AKR1B1: variants seen among roughly 807,000 people sequenced by gnomAD.
AKR1B1 encodes the protein aldo-keto reductase family 1 member B.
A neutral mutation model predicts 40.4 loss-of-function variants in AKR1B1; 22 were observed. That is an observed-to-expected ratio of 0.54 (90% CI 0.39 to 0.78). The LOEUF (loss-of-function observed/expected upper bound fraction) is 0.78, where lower values mean the gene tolerates loss of function less well. Ranked by LOEUF, AKR1B1 falls within the 30% of genes least tolerant of loss-of-function variation. The pLI is 0.00. For synonymous variants in AKR1B1, 157 were observed against 149.9 expected, an observed-to-expected ratio of 1.05 and a Z score of -0.35; for missense variants, 357 against 396.7, an observed-to-expected ratio of 0.90 and a Z score of 0.85.
chr7:134,450,934 G>A (rs775676690), intron 2 of AKR1B1, 32 bp from the exon 3 acceptor site: 2 of 1,575,554 alleles, frequency 1.3e-6, no homozygotes, highest in Non-Finnish European at 8.7e-7. Context: ...TGTCATCATT[G>A]CCAGCCACAA....
At position 134,445,227 on chromosome 7, in the gene AKR1B1, G is replaced by A; in HGVS notation, c.908+11C>T. On this transcript the variant is annotated intron_variant, in intron 9 of 9. Transcript: ENST00000285930. The stretch of plus-strand genomic sequence containing the variant: ...TCCTGGGAACTGCTCCTCACACTGG[G>A]GCTCACTCACCTCAACAAGGCACAG... The A allele has an allele frequency of 6.2e-7, 1 of 1,608,338 alleles. No homozygotes were observed. Among genetic ancestry groups the A allele is most frequent in the Non-Finnish European group, 8.5e-7 (1 of 1,177,920 alleles).
chr7:134,448,249 C>T, intron 6 of AKR1B1, 138 bp downstream of exon 6: 2 of 948,660 alleles, frequency 2.1e-6, no homozygotes. Context: ...CCAACCCTTC[C>T]AGGAAAACCA....
chr7:134,458,693 A>T (rs1258352605), intron 1 of AKR1B1, among the ~76,000 whole-genome samples: 1 of 152,078 alleles, frequency 6.6e-6, no homozygotes. Context: ...AGGACCCAAA[A>T]TGCGGACTGG....
rs5054 is a variant in AKR1B1, at chr7:134,459,020, T to C, written c.43A>G (p.Ile15Val). The C allele has an allele frequency of 4.4e-6, 7 of 1,608,362 alleles. No individual in the cohort carries two copies. The highest frequency in any genetic ancestry group is 4.2e-6 in the Non-Finnish European group (5 of 1,177,998). ...ACCTTCCAGGTACCCAACCCCAGGA[T>C]GGGCATCTTGGCGCCGTTGTTGAGC... Reference protein sequence around the residue: ...LLLNNGAKMPILGLGTWKSPP... With the variant: ...LLLNNGAKMPVLGLGTWKSPP... Residue 15 changes from isoleucine to valine, a missense_variant, in exon 1 of 10, where the codon ATC becomes GTC. Coordinates refer to ENST00000285930, the MANE Select transcript of AKR1B1 (RefSeq NM_001628.4).
At chr7:134,447,099 G>A (rs1356281192) in intron 8 of AKR1B1, among the ~76,000 whole-genome samples, 199 bp downstream of exon 8, 1 of 152,196 alleles carries the variant, frequency 6.6e-6, no homozygotes, top group East Asian at 1.9e-4. Flanking sequence ...ACGGGGCCCT[G>A]GAGGCCCAAG....
chr7:134,450,433 G>A (rs567776773), intron 3 of AKR1B1, among the ~76,000 whole-genome samples: 2 of 152,334 alleles, frequency 1.3e-5, no homozygotes, highest in East Asian at 1.9e-4. Context: ...CGTGCCTGGA[G>A]GGGAGGGCCA....
At chr7:134,443,509 G>C (rs955431669) in intron 9 of AKR1B1, among the ~76,000 whole-genome samples, 2 of 152,148 alleles carry the variant, frequency 1.3e-5, no homozygotes, top group South Asian at 2.1e-4. Context: ...GAGCCTCCTT[G>C]TATCAGTGGG....
At chr7:134,447,472 C>T (rs1016950041) in intron 7 of AKR1B1, 91 bp from the exon 8 acceptor site, 25 of 1,108,908 alleles carry the variant, frequency 2.3e-5, no homozygotes, top group East Asian at 1.2e-4. Context: ...TGCAGAAGGA[C>T]GTGCTAGAAC....
intron 1 of AKR1B1, 51 bp downstream of exon 1, chr7:134,458,946 G>C: frequency 6.4e-7 from 1 of 1,561,704 alleles, no homozygotes; most frequent in South Asian, 1.2e-5. Context: ...AATACAGGCC[G>C]CGCGGAGAGT....
In AKR1B1 at chr7:134,459,074, T is replaced by A; in HGVS notation, c.-12A>T. 1 of 1,599,430 alleles carries A rather than the reference T, an allele frequency of 6.3e-7. No homozygotes were observed. Among genetic ancestry groups the A allele is most frequent in the Non-Finnish European group, 8.5e-7 (1 of 1,173,996 alleles). On this transcript the variant is annotated 5_prime_UTR_variant, in exon 1 of 10. Transcript: ENST00000285930. Reference sequence around the variant, plus strand: ...AGACGGCTTGCCATGGCTGCTGCGCTCCCCAGACCCCCGCCCAGTACGGTG... The same window carrying A: ...AGACGGCTTGCCATGGCTGCTGCGCACCCCAGACCCCCGCCCAGTACGGTG...
intron 8 of AKR1B1, among the ~76,000 whole-genome samples, chr7:134,446,557 CCT>C (rs1381480311): frequency 6.8e-6 from 1 of 148,006 alleles, no homozygotes; most frequent in Non-Finnish European, 1.5e-5. Context: ...TCAGGACTCC[CCT>C]GAGCTGCTCT....
At chr7:134,449,940 A>C in intron 3 of AKR1B1, 143 bp from the exon 4 acceptor site, 1 of 748,490 alleles carries the variant, frequency 1.3e-6, no homozygotes, top group African/African-American at 1.7e-5. Flanking sequence ...AAAAGGAAAT[A>C]GGCAGATAGC....
intron 3 of AKR1B1, among the ~76,000 whole-genome samples, chr7:134,450,380 G>A (rs1376261375): frequency 6.6e-6 from 1 of 152,214 alleles, no homozygotes. Context: ...TATGCATGTA[G>A]AACGTGGGTA....
chr7:134,450,231 A>G (rs1806241813), intron 3 of AKR1B1, among the ~76,000 whole-genome samples: 2 of 152,268 alleles, frequency 1.3e-5, no homozygotes, highest in Non-Finnish European at 2.9e-5. Flanking sequence ...GGATAAAGCT[A>G]AACCCACACT....
At chr7:134,454,357 T>C (rs1009852561) in intron 1 of AKR1B1, among the ~76,000 whole-genome samples, 4 of 152,302 alleles carry the variant, frequency 2.6e-5, no homozygotes, top group African/African-American at 9.6e-5. Context: ...AGTTCCTCCT[T>C]TGATAACACC....
chr7:134,448,952 T>C (rs747147279), intron 5 of AKR1B1, 45 bp downstream of exon 5: 30 of 1,613,304 alleles, frequency 1.9e-5, no homozygotes, highest in Non-Finnish European at 2.5e-5. Flanking sequence ...CATCAGACAG[T>C]AAAACAGCAA....
At chr7:134,447,254 C>G (rs765386981) in intron 8 of AKR1B1, 44 bp downstream of exon 8, 1 of 1,527,626 alleles carries the variant, frequency 6.5e-7, no homozygotes, top group African/African-American at 1.4e-5. Flanking sequence ...CCCCCATCCC[C>G]CACTCCATGG....
At chr7:134,452,053 G>C (rs1484086358) in intron 1 of AKR1B1, among the ~76,000 whole-genome samples, 1 of 152,144 alleles carries the variant, frequency 6.6e-6, no homozygotes, top group East Asian at 1.9e-4. Flanking sequence ...CCACTGATTT[G>C]CAAACCACTG....
chr7:134,451,083 G>T (rs1343757950), intron 2 of AKR1B1, 181 bp from the exon 3 acceptor site: 10 of 679,634 alleles, frequency 1.5e-5, no homozygotes, highest in Non-Finnish European at 2.7e-5. Context: ...AGGATGACCA[G>T]GTCACAGAGA....
Sources: allele counts gnomAD v4.1 joint callset (sites outside exome capture counted in the v4.1 genomes callset), GRCh38; gene constraint gnomAD v4.1.1; transcripts MANE v1.5; gene names NCBI Gene and HGNC (gene_info 2026-07-23, HGNC 2026-07-21).